Variants in TMEM170B observed in about 807,000 individuals in gnomAD.
TMEM170B encodes transmembrane protein 170B.
TMEM170B carries 6 observed loss-of-function variants against 13.0 expected under a neutral mutation model. The observed-to-expected ratio is 0.46, with a 90% CI of 0.25 to 0.91. The LOEUF (loss-of-function observed/expected upper bound fraction) is 0.91, where lower values mean the gene tolerates loss of function less well. Among genes scored for constraint, TMEM170B ranks in the 40% least tolerant of loss-of-function variants. The pLI is 0.17. For missense variants in TMEM170B, 138 were observed against 165.2 expected (o/e 0.84, Z 0.90); for synonymous variants, 61 against 64.9 (o/e 0.94, Z 0.29).
chr6:11,557,748 G>A (rs1336564701), intron 1 of TMEM170B, among the ~76,000 whole-genome samples: 2 of 152,102 alleles, frequency 1.3e-5, no homozygotes, highest in African/African-American at 4.8e-5. Flanking sequence ...AGAAATCTGG[G>A]AGGCCAGACA....
At position 11,579,098 on chromosome 6, in the gene TMEM170B, C is replaced by G. The variant is rs1414132459; in HGVS notation, c.*3537C>G. 1 of 152,140 alleles carries G rather than the reference C, an allele frequency of 6.6e-6. No individual in the cohort carries two copies. Among genetic ancestry groups the G allele is most frequent in the Non-Finnish European group, 1.5e-5 (1 of 68,018 alleles). 9.4% of individuals were successfully genotyped at this position (152,140 alleles called of 1,614,324 possible). On this transcript the variant is annotated 3_prime_UTR_variant, in exon 3 of 3. Transcript: ENST00000379426. ...TTTTTAAATCCTAAAAAGTTTGGGA[C>G]AACATTTTGCTTCCTGATTTTAGTT...
intron 1 of TMEM170B, among the ~76,000 whole-genome samples, chr6:11,555,368 T>C (rs905894380): frequency 1.3e-5 from 2 of 152,182 alleles, no homozygotes; most frequent in African/African-American, 2.4e-5. Context: ...TCTAGGTATG[T>C]GTGTGCGTGG....
At chr6:11,553,434 A>G (rs1347246552) in intron 1 of TMEM170B, among the ~76,000 whole-genome samples, 1 of 152,150 alleles carries the variant, frequency 6.6e-6, no homozygotes, top group Non-Finnish European at 1.5e-5. Context: ...CCCTTCTTGG[A>G]TAATTGGGGT....
rs1759390469 is a variant in TMEM170B, at chr6:11,543,558, T to A, written c.97+5184T>A. Among the ~76,000 whole-genome samples, 3 of 152,224 alleles carry A rather than the reference T, an allele frequency of 2.0e-5. No homozygotes were observed. The South Asian group carries it at 6.2e-4, about 32-fold the overall frequency. On this transcript the variant is annotated intron_variant, in intron 1 of 2. Transcript: ENST00000379426. ...TGAAGCAAAGAGTAACTTGCTTAGATCTGATAGCTAATAGTGAAAAAGTCA... is the reference window on the plus strand; with the variant it reads ...TGAAGCAAAGAGTAACTTGCTTAGAACTGATAGCTAATAGTGAAAAAGTCA...
At chr6:11,568,279 A>G (rs957684173) in intron 2 of TMEM170B, among the ~76,000 whole-genome samples, 1 of 152,186 alleles carries the variant, frequency 6.6e-6, no homozygotes, top group African/African-American at 2.4e-5. Context: ...AGGACAAAAA[A>G]TCTAAATTAG....
chr6:11,580,311 C>G lies in TMEM170B; in HGVS notation c.*4750C>G, dbSNP rs543831389. 1 of 152,082 alleles carries G rather than the reference C, an allele frequency of 6.6e-6. No homozygotes were observed. The highest frequency in any genetic ancestry group is 1.5e-5 in the Non-Finnish European group (1 of 68,010). The allele number at this position is 152,082 out of a possible 1,614,324, so 9.4% of individuals were successfully genotyped here. ...TACAGGTGTAAGCTGCCGTGCCCAG[C>G]CTATTTTTTTTTAACTTCAAATACT... is the stretch of plus-strand genomic sequence containing the variant. On this transcript the variant is annotated 3_prime_UTR_variant, in exon 3 of 3. Coordinates refer to ENST00000379426, the MANE Select transcript of TMEM170B (RefSeq NM_001100829.3).
rs1034310048 is a variant in TMEM170B at position 11,576,891 on chromosome 6, T to C, written c.*1330T>C. 1 of 152,120 alleles carries C rather than the reference T, an allele frequency of 6.6e-6. No individual in the cohort carries two copies. 9.4% of individuals were successfully genotyped at this position (152,120 alleles called of 1,614,324 possible). On this transcript the variant is annotated 3_prime_UTR_variant, in exon 3 of 3. Coordinates refer to ENST00000379426, the MANE Select transcript of TMEM170B (RefSeq NM_001100829.3). ...AGCAAAAGTGGAAATGTCCTTTATA[T>C]AAAACATTTTAAGAGGTTCTGGCAA...
In TMEM170B at chr6:11,538,050, C is replaced by T. The variant is rs925415478; in HGVS notation, c.-228C>T. Reference sequence around the variant, plus strand: ...CTCCCCTCCTTCCTCCGTCCGCCGTCCTCAATGTCTCCCCGGCGGGGAGGG... The same window carrying T: ...CTCCCCTCCTTCCTCCGTCCGCCGTTCTCAATGTCTCCCCGGCGGGGAGGG... On this transcript the variant is annotated 5_prime_UTR_variant, in exon 1 of 3. Transcript: ENST00000379426. Among the ~76,000 whole-genome samples the T allele has an allele frequency of 6.6e-6, 1 of 151,234 alleles. No homozygotes were observed. The highest frequency in any genetic ancestry group is 1.5e-5 in the Non-Finnish European group (1 of 67,632).
intron 1 of TMEM170B, among the ~76,000 whole-genome samples, chr6:11,547,859 G>T (rs1482083274): frequency 6.6e-6 from 1 of 151,996 alleles, no homozygotes; most frequent in Non-Finnish European, 1.5e-5. Context: ...TTATAATTTT[G>T]ATTCTTTAAT....
intron 1 of TMEM170B, among the ~76,000 whole-genome samples, chr6:11,564,248 C>G (rs1042361787): frequency 6.6e-6 from 1 of 151,954 alleles, no homozygotes; most frequent in Non-Finnish European, 1.5e-5. Context: ...GGGTATATAC[C>G]CAGAAAGTGG....
chr6:11,551,182 G>C (rs1582140107), intron 1 of TMEM170B, among the ~76,000 whole-genome samples: 1 of 152,084 alleles, frequency 6.6e-6, no homozygotes, highest in East Asian at 1.9e-4. Context: ...TCTCCATAGG[G>C]CTACTCACAA....
chr6:11,559,668 G>A (rs1321753000), intron 1 of TMEM170B, among the ~76,000 whole-genome samples: 1 of 152,128 alleles, frequency 6.6e-6, no homozygotes, highest in Non-Finnish European at 1.5e-5. Context: ...TGTGGGACAT[G>A]TCCCCAAATT....
At chr6:11,539,189 T>C (rs1759326390) in intron 1 of TMEM170B, among the ~76,000 whole-genome samples, 1 of 152,232 alleles carries the variant, frequency 6.6e-6, no homozygotes, top group Non-Finnish European at 1.5e-5. Flanking sequence ...TGGAAATGCT[T>C]ACATTATACT....
chr6:11,553,290 A>G (rs914089728), intron 1 of TMEM170B, among the ~76,000 whole-genome samples: 5 of 152,206 alleles, frequency 3.3e-5, no homozygotes, highest in African/African-American at 1.2e-4. Context: ...GCAAACCTGC[A>G]TTGTTCAAGG....
chr6:11,550,516 A>G (rs73357838), intron 1 of TMEM170B, among the ~76,000 whole-genome samples: 1,655 of 152,140 alleles, frequency 0.011, 41 homozygotes, highest in African/African-American at 0.037. Context: ...GACGGATTGT[A>G]TGATTCTTAT....
intron 1 of TMEM170B, among the ~76,000 whole-genome samples, chr6:11,560,298 G>A (rs1338745450): frequency 1.3e-5 from 2 of 150,726 alleles, no homozygotes; most frequent in Non-Finnish European, 3.0e-5. Context: ...CCGACTAGCT[G>A]GGACTACAGG....
intron 2 of TMEM170B, among the ~76,000 whole-genome samples, chr6:11,571,813 T>C (rs1423549390): frequency 6.6e-6 from 1 of 152,138 alleles, no homozygotes; most frequent in South Asian, 2.1e-4. Context: ...ATCTAGACTA[T>C]ATATTTTTTA....
intron 2 of TMEM170B, among the ~76,000 whole-genome samples, chr6:11,568,173 A>G (rs1358120308): frequency 3.3e-5 from 5 of 152,220 alleles, no homozygotes; most frequent in African/African-American, 4.8e-5. Context: ...AGAGGAATTA[A>G]GAGGCATTAA....
At chr6:11,552,826 A>G (rs1759542444) in intron 1 of TMEM170B, among the ~76,000 whole-genome samples, 1 of 152,208 alleles carries the variant, frequency 6.6e-6, no homozygotes, top group Non-Finnish European at 1.5e-5. Flanking sequence ...TCTATGGTAT[A>G]GTATGACTGG....
Sources: allele counts gnomAD v4.1 joint callset (sites outside exome capture counted in the v4.1 genomes callset), GRCh38; gene constraint gnomAD v4.1.1; transcripts MANE v1.5; gene names NCBI Gene and HGNC (gene_info 2026-07-23, HGNC 2026-07-21).